MAPK14: variants seen among roughly 807,000 people sequenced by gnomAD.
The protein encoded by MAPK14 is CSAID-binding protein.
A neutral mutation model predicts 49.6 loss-of-function variants in MAPK14; 16 were observed. The observed-to-expected ratio is 0.32, with a 90% confidence interval of 0.22 to 0.49. The LOEUF is 0.49. Among genes scored for constraint, MAPK14 ranks in the 20% least tolerant of loss-of-function variants. The pLI, the probability that MAPK14 is intolerant of heterozygous loss-of-function variation, is 0.99. For synonymous variants in MAPK14, 142 were observed against 158.0 expected (o/e 0.90, Z 0.76); for missense variants, 200 against 441.2 (o/e 0.45, Z 4.90).
At chr6:36,063,409 G>A (rs1261521308) in intron 3 of MAPK14, among the ~76,000 whole-genome samples, 1 of 152,140 alleles carries the variant, frequency 6.6e-6, no homozygotes, top group Non-Finnish European at 1.5e-5. Context: ...GCAACATAGG[G>A]AAACCCCTTC....
At position 36,108,372 on chromosome 6, in the gene MAPK14, A is replaced by G; in HGVS notation, c.1016-8A>G. The G allele has an allele frequency of 6.2e-7, 1 of 1,612,324 alleles. No homozygotes were observed. Among genetic ancestry groups the G allele is most frequent in the Non-Finnish European group, 8.5e-7 (1 of 1,178,424 alleles). ...TCTCACATCTTACTTTTCCTTCCCA[A>G]TTTCTAGGCCTGACCTATGATGAAG... On this transcript the variant is annotated splice_region_variant and splice_polypyrimidine_tract_variant and intron_variant, in intron 11 of 11. Transcript: ENST00000229794.
chr6:36,070,433 C>T (rs1764224403), intron 3 of MAPK14, among the ~76,000 whole-genome samples: 1 of 152,106 alleles, frequency 6.6e-6, no homozygotes, highest in African/African-American at 2.4e-5. Context: ...CATTATCTCA[C>T]AGAGTTATTG....
intron 3 of MAPK14, among the ~76,000 whole-genome samples, chr6:36,071,798 T>C (rs1764286468): frequency 6.6e-6 from 1 of 152,214 alleles, no homozygotes; most frequent in Admixed American, 6.5e-5. Flanking sequence ...CATGCAAGAA[T>C]AACATTTGTA....
At chr6:36,051,227 T>A (rs1763382666) in intron 1 of MAPK14, among the ~76,000 whole-genome samples, 1 of 151,916 alleles carries the variant, frequency 6.6e-6, no homozygotes, top group Non-Finnish European at 1.5e-5. Flanking sequence ...GTGATTCTCC[T>A]GCCTCAGCCT....
downstream of MAPK14, among the ~76,000 whole-genome samples, chr6:36,114,392 G>A (rs1202120467): frequency 2.0e-5 from 3 of 152,162 alleles, no homozygotes; most frequent in Admixed American, 6.5e-5. Context: ...CGAGGTGGGC[G>A]GATCACCTGA....
At chr6:36,043,804 CTTTTTTTTTTTT>C (rs796534477) in intron 1 of MAPK14, among the ~76,000 whole-genome samples, 7 of 90,394 alleles carry the variant, frequency 7.7e-5, no homozygotes, top group Non-Finnish European at 1.3e-4. Context: ...CTTTTTCTTT[CTTTTTTTTTTTT>C]TTTTTTTTTT....
intron 9 of MAPK14, among the ~76,000 whole-genome samples, chr6:36,099,714 G>T (rs564584156): frequency 6.6e-6 from 1 of 152,138 alleles, no homozygotes; most frequent in Non-Finnish European, 1.5e-5. Context: ...GTCTTAATTC[G>T]GAGGGATGGT....
intron 1 of MAPK14, among the ~76,000 whole-genome samples, chr6:36,044,062 G>A (rs1219729085): frequency 6.6e-6 from 1 of 151,770 alleles, no homozygotes; most frequent in Non-Finnish European, 1.5e-5. Context: ...TGCCCACCTC[G>A]GCCTCCCAAA....
At chr6:36,051,874 T>TA (rs1763412791) in intron 1 of MAPK14, among the ~76,000 whole-genome samples, 1 of 152,170 alleles carries the variant, frequency 6.6e-6, no homozygotes, top group South Asian at 2.1e-4. Context: ...AAAGACTCTA[T>TA]AAACATTAAT....
At chr6:36,115,160 C>A (rs1766039493), downstream of MAPK14, among the ~76,000 whole-genome samples, 1 of 152,098 alleles carries the variant, frequency 6.6e-6, no homozygotes, top group South Asian at 2.1e-4. Context: ...TTGAGTAGTT[C>A]AATTTAAGGA....
the MAPK14 span, among the ~76,000 whole-genome samples, chr6:36,121,754 C>T: frequency 6.6e-6 from 1 of 152,146 alleles, no homozygotes; most frequent in African/African-American, 2.4e-5. Flanking sequence ...CATCATCCAG[C>T]GCAGCTAAGC....
At chr6:36,033,581 C>T (rs1214664230) in intron 1 of MAPK14, among the ~76,000 whole-genome samples, 1 of 152,180 alleles carries the variant, frequency 6.6e-6, no homozygotes, top group Admixed American at 6.5e-5. Flanking sequence ...TCCCAAAGTG[C>T]TGGGATTACA....
intron 9 of MAPK14, chr6:36,096,907 T>G (rs766846444): frequency 1.3e-5 from 2 of 152,226 alleles, no homozygotes; most frequent in Non-Finnish European, 2.9e-5. Context: ...AAAGCCCAGC[T>G]TTTCTTTTTC....
intron 1 of MAPK14, among the ~76,000 whole-genome samples, chr6:36,045,808 C>CAAAAAAAAAA (rs371920281): frequency 1.5e-3 from 68 of 46,338 alleles, no homozygotes; most frequent in Non-Finnish European, 1.9e-3. Context: ...GACTCTGTCT[C>CAAAAAAAAAA]AAAAAAAAAA....
Position 36,096,082 on chromosome 6 carries a change from G to T in MAPK14, c.762+16G>T, listed in dbSNP as rs1194512018. 1 of 1,585,018 alleles carries T rather than the reference G, an allele frequency of 6.3e-7. No homozygotes were observed. The highest frequency in any genetic ancestry group is 1.3e-5 in the African/African-American group (1 of 74,246). On this transcript the variant is annotated intron_variant, in intron 9 of 11. Transcript: ENST00000229794. ...CTCAGAGTCTGTGAGTTGATGCTTT[G>T]TAATTATCTGCCCTGTTGGGAGCCT...
chr6:36,096,232 CGCATGTGTGCCTGCTTGCAT>C (rs1765441961), intron 9 of MAPK14, 166 bp downstream of exon 9: 1 of 556,194 alleles, frequency 1.8e-6, no homozygotes, highest in Admixed American at 3.5e-5. Context: ...TGTGCGTGCA[CGCATGTGTGCCTGCTTGCAT>C]GCACAAGTGT....
chr6:36,121,775 C>T, the MAPK14 span, among the ~76,000 whole-genome samples: 1 of 152,182 alleles, frequency 6.6e-6, no homozygotes, highest in Non-Finnish European at 1.5e-5. Context: ...ATAGTGGTTA[C>T]TAGCACTGAC....
At chr6:36,070,800 G>T (rs557817748) in intron 3 of MAPK14, among the ~76,000 whole-genome samples, 1 of 151,996 alleles carries the variant, frequency 6.6e-6, no homozygotes, top group Non-Finnish European at 1.5e-5. Flanking sequence ...TAAATATAGT[G>T]TATTAGTTGT....
chr6:36,037,374 G>C (rs931662248), intron 1 of MAPK14, among the ~76,000 whole-genome samples: 5 of 152,146 alleles, frequency 3.3e-5, no homozygotes, highest in African/African-American at 4.8e-5. Context: ...ATGGATACTG[G>C]GTTTTGGGCA....
Sources: gnomAD v4.1 joint callset for allele counts (sites outside exome capture counted in the v4.1 genomes callset) on GRCh38, gnomAD v4.1.1 for gene constraint, MANE v1.5 for transcripts, NCBI Gene and HGNC (gene_info 2026-07-23, HGNC 2026-07-21) for gene names.